The following DIAPH2 variants were observed in gnomAD, a reference collection of about 807,000 sequenced individuals.
The protein encoded by DIAPH2 is diaphanous related formin 2, also known as protein diaphanous homolog 2.
In DIAPH2, 35 loss-of-function variants were observed where a neutral mutation model predicts 92.7. That is an observed-to-expected ratio of 0.38 (90% CI 0.29 to 0.50). The LOEUF (loss-of-function observed/expected upper bound fraction) is 0.50. DIAPH2 is among the 20% of genes least tolerant of loss of function. The pLI, the probability that DIAPH2 is intolerant of heterozygous loss-of-function variation, is 0.94. For missense variants in DIAPH2, 701 were observed against 819.5 expected (o/e 0.86, Z 1.77); for synonymous variants, 301 against 280.4 (o/e 1.07, Z -0.73).
At chrX:97,592,920 C>T (rs991770577) in intron 26 of DIAPH2, among the ~76,000 whole-genome samples, 7 of 111,788 alleles carry the variant, frequency 6.3e-5, no homozygotes, top group Admixed American at 2.8e-4. Flanking sequence ...TTTCTTTGCA[C>T]GGATTTATTT....
At chrX:97,004,983 C>G (rs772166142) in intron 17 of DIAPH2, among the ~76,000 whole-genome samples, 1 of 111,609 alleles carries the variant, frequency 9.0e-6, no homozygotes, top group African/African-American at 3.3e-5. Flanking sequence ...TTCCTTCTGT[C>G]TCTAGTTTTT....
intron 21 of DIAPH2, among the ~76,000 whole-genome samples, chrX:97,120,936 GA>G (rs2067053476): frequency 8.9e-6 from 1 of 111,739 alleles, no homozygotes; most frequent in East Asian, 2.8e-4. Flanking sequence ...GCTTTGTAAA[GA>G]AAAGTGACTG....
At chrX:97,122,465 A>G (rs992840098) in intron 21 of DIAPH2, among the ~76,000 whole-genome samples, 1 of 111,635 alleles carries the variant, frequency 9.0e-6, no homozygotes, top group Non-Finnish European at 1.9e-5. Context: ...CAGAGAGATG[A>G]TCTTTACCCA....
intron 23 of DIAPH2, among the ~76,000 whole-genome samples, chrX:97,288,299 G>T (rs2068562193): frequency 9.0e-6 from 1 of 111,413 alleles, no homozygotes; most frequent in Non-Finnish European, 1.9e-5. Flanking sequence ...TTGGTCCAGA[G>T]TTAGAGCTTT....
At chrX:97,092,359 A>G (rs1164972004) in intron 19 of DIAPH2, among the ~76,000 whole-genome samples, 1 of 112,520 alleles carries the variant, frequency 8.9e-6, no homozygotes, top group Non-Finnish European at 1.9e-5. Context: ...TATCTCTATG[A>G]CTCTGTTATT....
intron 26 of DIAPH2, among the ~76,000 whole-genome samples, chrX:97,562,016 A>G (rs1040296078): frequency 8.9e-6 from 1 of 112,300 alleles, no homozygotes; most frequent in Non-Finnish European, 1.9e-5. Context: ...AAGAGGGTCT[A>G]TCTGTAAATA....
At chrX:97,454,399 G>A (rs1372152628) in intron 26 of DIAPH2, among the ~76,000 whole-genome samples, 1 of 110,912 alleles carries the variant, frequency 9.0e-6, no homozygotes, top group African/African-American at 3.3e-5. Context: ...AAAAGAAATA[G>A]GTATATATAT....
chrX:97,478,195 A>G (rs190504530), intron 26 of DIAPH2, among the ~76,000 whole-genome samples: 101 of 112,187 alleles, frequency 9.0e-4, no homozygotes, highest in African/African-American at 3.3e-3. Context: ...GAAGCATGAT[A>G]TGCATACACT....
At chrX:97,247,613 C>T in intron 22 of DIAPH2, 102 bp from the exon 23 acceptor site, 2 of 755,747 alleles carry the variant, frequency 2.6e-6, no homozygotes, top group South Asian at 6.9e-5. Context: ...GGAACTATTT[C>T]CCACATTTAA....
chrX:97,395,513 T>C (rs1215607961), intron 25 of DIAPH2, among the ~76,000 whole-genome samples: 1 of 112,109 alleles, frequency 8.9e-6, no homozygotes, highest in African/African-American at 3.2e-5. Context: ...TACACTAGCA[T>C]TGGAGCATGT....
rs938063877 is a variant in DIAPH2, at chrX:97,544,219, G to C, written c.3242-55034G>C. ...AATTGTAGCTGGAAGGGAAGGGGAA[G>C]ACTGGTAAGGCTTATTTAAATTGCA... On this transcript the variant is annotated intron_variant, in intron 26 of 26. Coordinates refer to ENST00000324765, the MANE Select transcript of DIAPH2 (RefSeq NM_006729.5). Among the ~76,000 whole-genome samples the C allele has an allele frequency of 4.5e-5, 5 of 111,936 alleles. No individual in the cohort carries two copies. In the Admixed American group the frequency reaches 4.8e-4, roughly 11 times the overall value.
chrX:97,172,915 CTG>C (rs762709153), intron 22 of DIAPH2, among the ~76,000 whole-genome samples: 2 of 112,009 alleles, frequency 1.8e-5, no homozygotes, highest in Non-Finnish European at 3.8e-5. Context: ...CTCTCTGTCT[CTG>C]TGATATTCAC....
chrX:97,513,638 C>T (rs1395937154), intron 26 of DIAPH2, among the ~76,000 whole-genome samples: 54 of 43,783 alleles, frequency 1.2e-3, no homozygotes, highest in Admixed American at 2.4e-3. Context: ...GATTTTGCAG[C>T]GGCTGGTACC....
At chrX:97,225,759 T>A (rs965941582) in intron 22 of DIAPH2, among the ~76,000 whole-genome samples, 11 of 111,973 alleles carry the variant, frequency 9.8e-5, no homozygotes, top group African/African-American at 2.9e-4. Flanking sequence ...AATTAATGTA[T>A]TTTTAAGAAA....
intron 26 of DIAPH2, among the ~76,000 whole-genome samples, chrX:97,598,349 A>G (rs1338372113): frequency 2.7e-5 from 3 of 112,203 alleles, no homozygotes; most frequent in South Asian, 3.7e-4. Context: ...TGTTGTGTGA[A>G]TTAGCAAATT....
At chrX:96,976,244 C>T (rs756966988) in intron 17 of DIAPH2, among the ~76,000 whole-genome samples, 166 of 108,827 alleles carry the variant, frequency 1.5e-3, no homozygotes, top group South Asian at 3.3e-3. Context: ...GCCAAGATCA[C>T]GCCGCTGCAC....
chrX:97,568,844 T>A (rs1297550674), intron 26 of DIAPH2, among the ~76,000 whole-genome samples: 2 of 111,941 alleles, frequency 1.8e-5, no homozygotes, highest in Admixed American at 1.9e-4. Context: ...AGCAAAAGAA[T>A]TATAGAGTTG....
intron 5 of DIAPH2, chrX:96,884,067 G>T: frequency 2.9e-6 from 1 of 350,241 alleles, no homozygotes; most frequent in East Asian, 4.5e-5. Flanking sequence ...GAAGGATTAT[G>T]CGATCAGGTG....
At chrX:97,052,473 A>AG (rs1166659899) in intron 17 of DIAPH2, among the ~76,000 whole-genome samples, 1 of 110,902 alleles carries the variant, frequency 9.0e-6, no homozygotes, top group African/African-American at 3.3e-5. Flanking sequence ...CTGGATTATG[A>AG]GGTCCCTTAA....
Sources: allele counts gnomAD v4.1 joint callset (sites outside exome capture counted in the v4.1 genomes callset), GRCh38; gene constraint gnomAD v4.1.1; transcripts MANE v1.5; gene names NCBI Gene and HGNC (gene_info 2026-07-23, HGNC 2026-07-21).